MYO3B: variants seen among roughly 807,000 people sequenced by gnomAD.
MYO3B encodes myosin-IIIb.
Under a neutral mutation model 174.6 loss-of-function variants are expected in MYO3B, and 156 were observed. The ratio of observed to expected loss-of-function variants is 0.89; its 90% CI spans 0.78 to 1.02. MYO3B has a LOEUF of 1.02. Ranked by LOEUF, MYO3B falls within the 50% of genes least tolerant of loss-of-function variation. The pLI, the probability that MYO3B is intolerant of heterozygous loss-of-function variation, is 0.00. For synonymous variants in MYO3B, 563 were observed against 569.1 expected (o/e 0.99, Z 0.15); for missense variants, 1,632 against 1,639.4 (o/e 1.00, Z 0.08).
rs200984645 is a variant in MYO3B, at chr2:170,401,596, C to T, written c.2034C>T (p.Asp678=). The T allele has an allele frequency of 1.2e-4, 193 of 1,613,988 alleles. No homozygotes were observed. In the African/African-American group the frequency reaches 1.7e-3, roughly 14 times the overall value. Residue 678 remains aspartate (D), a synonymous_variant, in exon 18 of 35, where the codon GAC becomes GAT. Transcript: ENST00000408978. ...CCAACACTGTAGACAGGGCTGCGGA[C>T]GTTCGAGACGCCATGTCCAAAGCCC... The part of the protein sequence containing the change: ...IRANTVDRAA[D]VRDAMSKALY...
chr2:170,289,868 C>T (rs1334075793), intron 7 of MYO3B, among the ~76,000 whole-genome samples: 14 of 152,040 alleles, frequency 9.2e-5, no homozygotes, highest in South Asian at 2.1e-4. Context: ...TTGCTGTTAC[C>T]GTATCCCATA....
At chr2:170,626,944 T>A (rs1559173795) in intron 32 of MYO3B, among the ~76,000 whole-genome samples, 1 of 152,194 alleles carries the variant, frequency 6.6e-6, no homozygotes, top group Non-Finnish European at 1.5e-5. Context: ...CTTCCCTTTG[T>A]GGGTAACCCG....
At chr2:170,638,831 A>C (rs1212131511) in intron 32 of MYO3B, among the ~76,000 whole-genome samples, 1 of 152,218 alleles carries the variant, frequency 6.6e-6, no homozygotes, top group African/African-American at 2.4e-5. Context: ...CATTTTACAC[A>C]TAAAACATGG....
At chr2:170,637,516 G>A (rs887495798) in intron 32 of MYO3B, among the ~76,000 whole-genome samples, 1 of 152,120 alleles carries the variant, frequency 6.6e-6, no homozygotes, top group Non-Finnish European at 1.5e-5. Flanking sequence ...GGAAGCTGCT[G>A]ATGCTAATTT....
At chr2:170,379,717 A>T (rs1165809071) in intron 9 of MYO3B, among the ~76,000 whole-genome samples, 1 of 152,112 alleles carries the variant, frequency 6.6e-6, no homozygotes, top group Non-Finnish European at 1.5e-5. Flanking sequence ...TCTGTTTAAT[A>T]ATTTTAAACT....
At chr2:170,626,290 T>G (rs973002470) in intron 32 of MYO3B, among the ~76,000 whole-genome samples, 1 of 152,208 alleles carries the variant, frequency 6.6e-6, no homozygotes, top group Non-Finnish European at 1.5e-5. Context: ...GTTGAATTGA[T>G]CCCTTTACGA....
rs368048698 is a variant in MYO3B at position 170,497,388 on chromosome 2, G to A, written c.3015-1204G>A. On this transcript the variant is annotated intron_variant, in intron 25 of 34. Transcript: ENST00000408978. ...TCCCAGCACTTTGGGAGGTCAAGGCGGGTGGATCACGAGGTCAGGAGATCG... is the reference window on the plus strand; with the variant it reads ...TCCCAGCACTTTGGGAGGTCAAGGCAGGTGGATCACGAGGTCAGGAGATCG... 1.7e-4 allele frequency among the ~76,000 whole-genome samples: 26 copies of A among 152,158 alleles called. No homozygotes were observed. In the East Asian group the frequency reaches 4.7e-3, roughly 27 times the overall value.
intron 32 of MYO3B, among the ~76,000 whole-genome samples, chr2:170,634,330 T>G (rs1231269479): frequency 6.6e-6 from 1 of 152,198 alleles, no homozygotes; most frequent in Non-Finnish European, 1.5e-5. Context: ...TACAACCATC[T>G]GATCTTTGAT....
chr2:170,556,679 G>A (rs955143500), intron 32 of MYO3B, among the ~76,000 whole-genome samples: 7 of 152,094 alleles, frequency 4.6e-5, no homozygotes, highest in South Asian at 2.1e-4. Context: ...GTGTCACCAC[G>A]TCTGGCTAAT....
At chr2:170,400,869 C>G (rs1490761702) in intron 17 of MYO3B, among the ~76,000 whole-genome samples, 1 of 151,304 alleles carries the variant, frequency 6.6e-6, no homozygotes, top group Admixed American at 6.6e-5. Context: ...CTCGCTCTGT[C>G]TCCCAGACTG....
Position 170,299,813 on chromosome 2 carries a change from C to A in MYO3B, c.750-35572C>A, listed in dbSNP as rs192491680. ...AAGATATTTTCATCGTGGGCAAGGG[C>A]AGTAAGAAACAAAGATGCATTGCTA... is the stretch of plus-strand genomic sequence containing the variant. On this transcript the variant is annotated intron_variant, in intron 7 of 34. Coordinates refer to ENST00000408978, the MANE Select transcript of MYO3B (RefSeq NM_138995.5). Among the ~76,000 whole-genome samples, 18 of 152,268 alleles carry A rather than the reference C, an allele frequency of 1.2e-4. No individual in the cohort carries two copies. In the East Asian group the frequency reaches 3.3e-3, roughly 28 times the overall value.
intron 8 of MYO3B, among the ~76,000 whole-genome samples, chr2:170,352,054 G>C (rs961237429): frequency 6.6e-6 from 1 of 152,194 alleles, no homozygotes; most frequent in African/African-American, 2.4e-5. Flanking sequence ...CCAGGTTCAA[G>C]CGATCCTCTT....
intron 25 of MYO3B, among the ~76,000 whole-genome samples, chr2:170,490,663 T>C (rs1686411360): frequency 6.6e-6 from 1 of 152,200 alleles, no homozygotes; most frequent in Non-Finnish European, 1.5e-5. Flanking sequence ...AATATGGTGT[T>C]AGCTTTAAGT....
chr2:170,406,279 C>T (rs2094508734), intron 21 of MYO3B, among the ~76,000 whole-genome samples: 1 of 152,160 alleles, frequency 6.6e-6, no homozygotes, highest in Non-Finnish European at 1.5e-5. Flanking sequence ...CCTCTGGGCT[C>T]TGCTGAGGCT....
chr2:170,453,125 T>C (rs989666486), intron 23 of MYO3B, among the ~76,000 whole-genome samples: 1 of 152,156 alleles, frequency 6.6e-6, no homozygotes, highest in Non-Finnish European at 1.5e-5. Context: ...ATGGTTAAGA[T>C]TTTAAGGACA....
intron 14 of MYO3B, among the ~76,000 whole-genome samples, chr2:170,389,260 G>C (rs1252340368): frequency 6.6e-6 from 1 of 152,096 alleles, no homozygotes; most frequent in African/African-American, 2.4e-5. Flanking sequence ...CCCCCTTCTG[G>C]GCACACTGTA....
intron 27 of MYO3B, 120 bp from the exon 28 acceptor site, chr2:170,501,665 G>T (rs1033436592): frequency 1.2e-5 from 8 of 646,526 alleles, no homozygotes; most frequent in Middle Eastern, 5.1e-4. Flanking sequence ...ATTTTGTTCA[G>T]TGAGAAAGCA....
chr2:170,645,586 T>G (rs1028511348), intron 32 of MYO3B, among the ~76,000 whole-genome samples: 1 of 152,042 alleles, frequency 6.6e-6, no homozygotes, highest in South Asian at 2.1e-4. Flanking sequence ...TATATCTTAA[T>G]GCAAACTGAC....
chr2:170,222,225 C>T (rs540587433), intron 6 of MYO3B, among the ~76,000 whole-genome samples: 5 of 152,286 alleles, frequency 3.3e-5, no homozygotes, highest in African/African-American at 9.6e-5. Context: ...GCAGTAGTGG[C>T]TCCAACATGC....
Sources: gnomAD v4.1 joint callset for allele counts (sites outside exome capture counted in the v4.1 genomes callset) on GRCh38, gnomAD v4.1.1 for gene constraint, MANE v1.5 for transcripts, NCBI Gene and HGNC (gene_info 2026-07-23, HGNC 2026-07-21) for gene names.